FBXL7: variants seen among roughly 807,000 people sequenced by gnomAD.
The protein encoded by FBXL7 is F-box/LRR-repeat protein 7.
In FBXL7, 12 loss-of-function variants were observed where a neutral mutation model predicts 38.3. The observed-to-expected ratio is 0.31, with a 90% confidence interval of 0.20 to 0.51. The LOEUF is 0.51. Ranked by LOEUF, FBXL7 falls within the 20% of genes least tolerant of loss-of-function variation. FBXL7 has a pLI of 0.98. For synonymous variants in FBXL7, 297 were observed against 300.9 expected (o/e 0.99, Z 0.13); for missense variants, 567 against 676.4 (o/e 0.84, Z 1.79).
At chr5:15,893,866 C>T (rs1741010595) in intron 2 of FBXL7, among the ~76,000 whole-genome samples, 2 of 152,336 alleles carry the variant, frequency 1.3e-5, no homozygotes, top group Non-Finnish European at 1.5e-5. Flanking sequence ...GCCTGGTAAA[C>T]ACCCATATGG....
chr5:15,540,278 T>G (rs1269339810), intron 1 of FBXL7, among the ~76,000 whole-genome samples: 1 of 152,212 alleles, frequency 6.6e-6, no homozygotes, highest in African/African-American at 2.4e-5. Context: ...AATTTTAAAT[T>G]TGCATGTCTT....
At chr5:15,744,458 C>G (rs905962625) in intron 2 of FBXL7, among the ~76,000 whole-genome samples, 3 of 152,072 alleles carry the variant, frequency 2.0e-5, no homozygotes, top group African/African-American at 7.2e-5. Flanking sequence ...GTCCATATTA[C>G]TATCAGCATT....
intron 1 of FBXL7, among the ~76,000 whole-genome samples, chr5:15,559,038 A>G (rs1344803391): frequency 6.6e-6 from 1 of 152,234 alleles, no homozygotes; most frequent in East Asian, 1.9e-4. Context: ...TACACAATCA[A>G]TATGAACCAT....
intron 2 of FBXL7, among the ~76,000 whole-genome samples, chr5:15,775,316 C>A (rs1208849706): frequency 6.6e-6 from 1 of 151,992 alleles, no homozygotes; most frequent in African/African-American, 2.4e-5. Flanking sequence ...ATTTTTATGT[C>A]ATACATTTTT....
chr5:15,609,712 G>A (rs1388123337), intron 1 of FBXL7, among the ~76,000 whole-genome samples: 2 of 152,224 alleles, frequency 1.3e-5, no homozygotes, highest in East Asian at 1.9e-4. Context: ...TCCAGAAGCT[G>A]CAGCGAAGAC....
Position 15,500,718 on chromosome 5 carries a change from G to T in FBXL7, c.37+5G>T. On this transcript the variant is annotated splice_donor_5th_base_variant and intron_variant, in intron 1 of 3. Coordinates refer to ENST00000504595, the MANE Select transcript of FBXL7 (RefSeq NM_012304.5). ...GCAAACAGTACGGCAGTGAGGGTGA[G>T]TGGGCCGCCCGTCCTCAGACTCCCG... 1 of 1,605,954 alleles carries T rather than the reference G, an allele frequency of 6.2e-7. No individual in the cohort carries two copies. The highest frequency in any genetic ancestry group is 1.1e-5 in the South Asian group (1 of 90,606).
chr5:15,867,500 CTTCAGTAATT>C (rs1454134443), intron 2 of FBXL7, among the ~76,000 whole-genome samples: 2 of 152,220 alleles, frequency 1.3e-5, no homozygotes, highest in Admixed American at 6.5e-5. Context: ...ATCCTTGTAT[CTTCAGTAATT>C]CTGATATTGT....
At chr5:15,628,360 G>A (rs148955667) in intron 2 of FBXL7, among the ~76,000 whole-genome samples, 98 of 152,236 alleles carry the variant, frequency 6.4e-4, no homozygotes, top group African/African-American at 2.3e-3. Flanking sequence ...GAAGGAGATG[G>A]ACCCAAAGAA....
At chr5:15,819,792 G>A (rs1482295054) in intron 2 of FBXL7, among the ~76,000 whole-genome samples, 1 of 152,156 alleles carries the variant, frequency 6.6e-6, no homozygotes, top group Non-Finnish European at 1.5e-5. Flanking sequence ...CACCGCACAA[G>A]CCCTGTCTGA....
At chr5:15,804,170 C>T (rs1737643957) in intron 2 of FBXL7, among the ~76,000 whole-genome samples, 1 of 152,072 alleles carries the variant, frequency 6.6e-6, no homozygotes, top group Admixed American at 6.6e-5. Context: ...TATTCTACTT[C>T]TCCACATTTA....
chr5:15,557,433 T>C (rs1016251853), intron 1 of FBXL7, among the ~76,000 whole-genome samples: 1 of 152,196 alleles, frequency 6.6e-6, no homozygotes, highest in African/African-American at 2.4e-5. Context: ...CATTTGTATA[T>C]AATTATATTT....
At chr5:15,795,673 A>G (rs966969312) in intron 2 of FBXL7, among the ~76,000 whole-genome samples, 2 of 152,182 alleles carry the variant, frequency 1.3e-5, no homozygotes, top group African/African-American at 4.8e-5. Flanking sequence ...GATTTTGTTC[A>G]TGGGTTTTTC....
intron 2 of FBXL7, among the ~76,000 whole-genome samples, chr5:15,927,192 G>A (rs576487896): frequency 6.6e-5 from 10 of 152,136 alleles, no homozygotes; most frequent in African/African-American, 1.2e-4. Flanking sequence ...AAACAGCCAC[G>A]CTCCTTTGTT....
At chr5:15,835,305 G>C (rs1738564381) in intron 2 of FBXL7, among the ~76,000 whole-genome samples, 1 of 152,066 alleles carries the variant, frequency 6.6e-6, no homozygotes. Flanking sequence ...TAGCACCAAT[G>C]CAAAATGCAA....
intron 1 of FBXL7, among the ~76,000 whole-genome samples, chr5:15,549,933 C>G (rs1383550871): frequency 6.6e-6 from 1 of 152,096 alleles, no homozygotes; most frequent in Non-Finnish European, 1.5e-5. Flanking sequence ...GAAGGGGATG[C>G]TTAGAAACGT....
At chr5:15,540,527 A>G (rs1278415142) in intron 1 of FBXL7, among the ~76,000 whole-genome samples, 1 of 152,190 alleles carries the variant, frequency 6.6e-6, no homozygotes, top group African/African-American at 2.4e-5. Flanking sequence ...AATTCTATGC[A>G]GTGGTAGAAG....
chr5:15,650,995 C>G (rs1741689188), intron 2 of FBXL7, among the ~76,000 whole-genome samples: 1 of 152,108 alleles, frequency 6.6e-6, no homozygotes, highest in Non-Finnish European at 1.5e-5. Flanking sequence ...TTAATGGCAT[C>G]CAGAATGATG....
chr5:15,768,441 G>C lies in FBXL7; in HGVS notation c.127+152369G>C, dbSNP rs146149301. Among the ~76,000 whole-genome samples the C allele has an allele frequency of 3.1e-3, 465 of 151,770 alleles. 3 individuals are homozygous for C. The highest frequency in any genetic ancestry group is 0.011 in the African/African-American group (450 of 41,380). On this transcript the variant is annotated intron_variant, in intron 2 of 3. Coordinates refer to ENST00000504595, the MANE Select transcript of FBXL7 (RefSeq NM_012304.5). Reference sequence around the variant, plus strand: ...AGCTACTCGGGAGGCTGAGACAGGAGAATCGCTTGAATCTGAAAGGTGGAG... The same window carrying C: ...AGCTACTCGGGAGGCTGAGACAGGACAATCGCTTGAATCTGAAAGGTGGAG...
chr5:15,817,274 T>C (rs1342689908), intron 2 of FBXL7, among the ~76,000 whole-genome samples: 1 of 152,060 alleles, frequency 6.6e-6, no homozygotes, highest in Non-Finnish European at 1.5e-5. Context: ...GAAACCTTCT[T>C]TCCTAAATGC....
Sources: gnomAD v4.1 joint callset for allele counts (sites outside exome capture counted in the v4.1 genomes callset) on GRCh38, gnomAD v4.1.1 for gene constraint, MANE v1.5 for transcripts, NCBI Gene and HGNC (gene_info 2026-07-23, HGNC 2026-07-21) for gene names.